Variants in GRHL2 observed in about 807,000 individuals in gnomAD.
GRHL2 encodes the protein grainyhead-like protein 2 homolog.
A neutral mutation model predicts 83.8 loss-of-function variants in GRHL2; 21 were observed. The observed-to-expected ratio is 0.25, with a 90% CI of 0.18 to 0.36. GRHL2 has a LOEUF of 0.36. Ranked by LOEUF, GRHL2 falls within the 10% of genes least tolerant of loss-of-function variation. The pLI, the probability that GRHL2 is intolerant of heterozygous loss-of-function variation, is 1.00. For synonymous variants in GRHL2, 280 were observed against 278.9 expected (o/e 1.00, Z -0.04); for missense variants, 623 against 781.8 (o/e 0.80, Z 2.42).
intron 1 of GRHL2, among the ~76,000 whole-genome samples, chr8:101,507,214 A>G (rs1810358358): frequency 6.7e-6 from 1 of 149,212 alleles, no homozygotes; most frequent in Non-Finnish European, 1.5e-5. Context: ...CCTGGCTATC[A>G]TTTCAACTTG....
At chr8:101,583,858 A>G (rs1424764642) in intron 7 of GRHL2, among the ~76,000 whole-genome samples, 2 of 152,250 alleles carry the variant, frequency 1.3e-5, no homozygotes, top group Non-Finnish European at 2.9e-5. Flanking sequence ...AGAAGCTACA[A>G]CAGTTAATTG....
chr8:101,628,823 A>G (rs1197169240), intron 9 of GRHL2, among the ~76,000 whole-genome samples: 1 of 152,152 alleles, frequency 6.6e-6, no homozygotes, highest in Non-Finnish European at 1.5e-5. Context: ...TGCAGATGTG[A>G]TGGAAACAGC....
intron 11 of GRHL2, among the ~76,000 whole-genome samples, chr8:101,635,689 C>CT (rs1183235547): frequency 6.6e-6 from 1 of 152,182 alleles, no homozygotes; most frequent in Admixed American, 6.5e-5. Context: ...GAATGCCACA[C>CT]TGAGACTTGT....
chr8:101,606,488 G>A (rs979915593), intron 8 of GRHL2, among the ~76,000 whole-genome samples: 1 of 152,198 alleles, frequency 6.6e-6, no homozygotes, highest in African/African-American at 2.4e-5. Flanking sequence ...GCTAAGATGA[G>A]TTGGCTGGTG....
chr8:101,643,311 C>T (rs1813439269), intron 12 of GRHL2, among the ~76,000 whole-genome samples: 1 of 139,276 alleles, frequency 7.2e-6, no homozygotes, highest in Non-Finnish European at 1.5e-5. Context: ...AGTAAGATTC[C>T]ATTCGGGGAC....
intron 13 of GRHL2, among the ~76,000 whole-genome samples, chr8:101,644,952 A>G (rs1367466604): frequency 6.6e-6 from 1 of 151,352 alleles, no homozygotes; most frequent in Non-Finnish European, 1.5e-5. Flanking sequence ...ACTTTCAGCT[A>G]TCCTCCCACC....
At chr8:101,670,130 C>T (rs1420227813), downstream of GRHL2, among the ~76,000 whole-genome samples, 1 of 152,164 alleles carries the variant, frequency 6.6e-6, no homozygotes, top group East Asian at 1.9e-4. Flanking sequence ...CCATGTGGCT[C>T]TAACTCCAGT....
At chr8:101,588,481 A>G (rs902726242) in intron 7 of GRHL2, among the ~76,000 whole-genome samples, 1 of 152,224 alleles carries the variant, frequency 6.6e-6, no homozygotes, top group African/African-American at 2.4e-5. Flanking sequence ...TGCATGAGCC[A>G]CTTCCCAGTG....
intron 14 of GRHL2, among the ~76,000 whole-genome samples, chr8:101,662,448 T>A (rs1039741145): frequency 3.3e-5 from 5 of 152,250 alleles, no homozygotes; most frequent in Non-Finnish European, 7.3e-5. Flanking sequence ...TGGGAATCTG[T>A]GAGTCTCTGT....
At chr8:101,663,926 G>A (rs564769759) in intron 14 of GRHL2, among the ~76,000 whole-genome samples, 3 of 150,762 alleles carry the variant, frequency 2.0e-5, no homozygotes, top group South Asian at 2.1e-4. Context: ...TCTGTACTGC[G>A]TTTTTAAAGT....
At chr8:101,539,714 T>G (rs1335007519) in intron 1 of GRHL2, among the ~76,000 whole-genome samples, 1 of 152,250 alleles carries the variant, frequency 6.6e-6, no homozygotes, top group Non-Finnish European at 1.5e-5. Context: ...CCCATTATTC[T>G]GCACTACCAA....
chr8:101,567,260 A>G (rs1419223983), intron 4 of GRHL2, among the ~76,000 whole-genome samples: 1 of 152,198 alleles, frequency 6.6e-6, no homozygotes, highest in African/African-American at 2.4e-5. Context: ...CTTTACTATC[A>G]TTTTTCTGAG....
intron 7 of GRHL2, among the ~76,000 whole-genome samples, chr8:101,589,579 A>G (rs1812233801): frequency 6.6e-6 from 1 of 152,246 alleles, no homozygotes; most frequent in South Asian, 2.1e-4. Flanking sequence ...GCTTATGGTC[A>G]GTACAACTTG....
At chr8:101,549,137 G>A (rs946308923) in intron 2 of GRHL2, among the ~76,000 whole-genome samples, 4 of 151,614 alleles carry the variant, frequency 2.6e-5, no homozygotes, top group Middle Eastern at 3.4e-3. Flanking sequence ...ATGGGTGGTA[G>A]TGTGGGGGTA....
chr8:101,673,608 C>T (rs2129809695), downstream of GRHL2, among the ~76,000 whole-genome samples: 1 of 150,724 alleles, frequency 6.6e-6, no homozygotes, highest in South Asian at 2.1e-4. Context: ...TCGACTCCCA[C>T]ACAACTTTGA....
At chr8:101,498,802 G>A (rs10955254) in intron 1 of GRHL2, among the ~76,000 whole-genome samples, 26,030 of 152,016 alleles carry the variant, frequency 0.17, 3,576 homozygotes, top group African/African-American at 0.38. Flanking sequence ...AAAGCCGGGC[G>A]TGGTGGCTCA....
At chr8:101,509,157 CCTTTCTTT>C (rs58806449) in intron 1 of GRHL2, among the ~76,000 whole-genome samples, 3 of 27,406 alleles carry the variant, frequency 1.1e-4, no homozygotes, top group Non-Finnish European at 3.2e-4. Flanking sequence ...TTCCTTCCTT[CCTTTCTTT>C]CTTTCTTTTT....
At chr8:101,621,766 T>A (rs537866493) in intron 9 of GRHL2, among the ~76,000 whole-genome samples, 1 of 152,200 alleles carries the variant, frequency 6.6e-6, no homozygotes, top group East Asian at 1.9e-4. Context: ...GGTTCAGTGA[T>A]GCATGTCTGT....
intron 12 of GRHL2, 47 bp downstream of exon 12, chr8:101,636,975 T>C: frequency 1.3e-6 from 2 of 1,544,192 alleles, no homozygotes; most frequent in South Asian, 2.2e-5. Context: ...TCAGCTCATG[T>C]CAGTGGTAAT....
Sources: gnomAD v4.1 joint callset for allele counts (sites outside exome capture counted in the v4.1 genomes callset) on GRCh38, gnomAD v4.1.1 for gene constraint, MANE v1.5 for transcripts, NCBI Gene and HGNC (gene_info 2026-07-23, HGNC 2026-07-21) for gene names.